The following ZDHHC14 variants were observed in gnomAD, a reference collection of about 807,000 sequenced individuals.
ZDHHC14 encodes palmitoyltransferase ZDHHC14.
In ZDHHC14, 16 loss-of-function variants were observed where a neutral mutation model predicts 47.7. That is an observed-to-expected ratio of 0.34 (90% CI 0.23 to 0.51). ZDHHC14 has a LOEUF of 0.51. ZDHHC14 is among the 20% of genes least tolerant of loss of function. The pLI, the probability that ZDHHC14 is intolerant of heterozygous loss-of-function variation, is 0.97. For synonymous variants in ZDHHC14, 293 were observed against 278.9 expected (o/e 1.05, Z -0.50); for missense variants, 515 against 662.5 (o/e 0.78, Z 2.44).
intron 1 of ZDHHC14, among the ~76,000 whole-genome samples, chr6:157,485,486 T>A (rs1779755930): frequency 6.6e-6 from 1 of 152,246 alleles, no homozygotes; most frequent in Non-Finnish European, 1.5e-5. Context: ...ATTTTTCCCA[T>A]GTGTTTATGT....
intron 2 of ZDHHC14, among the ~76,000 whole-genome samples, chr6:157,570,536 T>C (rs1783056690): frequency 6.6e-6 from 1 of 152,192 alleles, no homozygotes; most frequent in Non-Finnish European, 1.5e-5. Context: ...AATTAAAACT[T>C]TGCAAGGACA....
At chr6:157,631,066 CCA>C (rs1193135229) in intron 4 of ZDHHC14, 6 of 151,976 alleles carry the variant, frequency 3.9e-5, no homozygotes, top group African/African-American at 1.5e-4. Context: ...CCTTATACAC[CCA>C]CACTCACACT....
intron 1 of ZDHHC14, among the ~76,000 whole-genome samples, chr6:157,467,801 C>T (rs763420867): frequency 1.3e-5 from 2 of 152,022 alleles, no homozygotes; most frequent in Non-Finnish European, 2.9e-5. Context: ...CCGCCCATCC[C>T]GGCCTCCCAA....
At chr6:157,655,870 A>G (rs922684546) in intron 8 of ZDHHC14, among the ~76,000 whole-genome samples, 6 of 142,382 alleles carry the variant, frequency 4.2e-5, no homozygotes, top group African/African-American at 1.6e-4. Flanking sequence ...CAGGTTCTGC[A>G]GGGTGCTGAT....
At chr6:157,390,394 C>G (rs150490593) in intron 1 of ZDHHC14, among the ~76,000 whole-genome samples, 1 of 152,080 alleles carries the variant, frequency 6.6e-6, no homozygotes, top group Non-Finnish European at 1.5e-5. Flanking sequence ...ACATTTATCC[C>G]GCTTGGGGTT....
intron 3 of ZDHHC14, among the ~76,000 whole-genome samples, chr6:157,627,517 T>G (rs1268013034): frequency 6.6e-6 from 1 of 152,230 alleles, no homozygotes; most frequent in Admixed American, 6.5e-5. Context: ...TCAAATGCAT[T>G]ACAGACTTTG....
intron 1 of ZDHHC14, among the ~76,000 whole-genome samples, chr6:157,433,183 A>T (rs1778372858): frequency 6.6e-6 from 1 of 152,252 alleles, no homozygotes; most frequent in Non-Finnish European, 1.5e-5. Context: ...TGCTGGCACG[A>T]TCACTCTATT....
chr6:157,655,034 G>A (rs757819495), intron 8 of ZDHHC14, among the ~76,000 whole-genome samples: 5 of 152,118 alleles, frequency 3.3e-5, no homozygotes, highest in Non-Finnish European at 5.9e-5. Flanking sequence ...TGTGCCAGGC[G>A]TGTTTTCTTT....
Position 157,645,839 on chromosome 6 carries a change from C to T in ZDHHC14, c.855C>T (p.Asp285=), listed in dbSNP as rs61996312. Residue 285 remains aspartate (D), a splice_region_variant and synonymous_variant, in exon 6 of 9, where the codon GAC becomes GAT. Transcript: ENST00000359775. ...GCTCCAACCAGACAACAAATGAGGA[C>T]GTAAGTTCCTGACCACACGGGACAC... ...LISSNQTTNE[D]IKGSWSNKRG... 6.7e-4 allele frequency: 1,081 copies of T among 1,613,530 alleles called. 9 individuals carry two copies. The African/African-American group carries it at 0.013, about 20-fold the overall frequency.
At chr6:157,656,937 G>A (rs1291302164) in intron 8 of ZDHHC14, among the ~76,000 whole-genome samples, 1 of 152,084 alleles carries the variant, frequency 6.6e-6, no homozygotes, top group African/African-American at 2.4e-5. Flanking sequence ...AAGGACCTGC[G>A]GCCCTGGTCA....
At chr6:157,515,208 G>A (rs1780638251) in intron 1 of ZDHHC14, among the ~76,000 whole-genome samples, 1 of 152,110 alleles carries the variant, frequency 6.6e-6, no homozygotes, top group African/African-American at 2.4e-5. Context: ...CCACAGTTGA[G>A]CATATCGCTG....
intron 2 of ZDHHC14, among the ~76,000 whole-genome samples, chr6:157,555,718 T>C (rs1272673253): frequency 6.6e-6 from 1 of 152,184 alleles, no homozygotes; most frequent in Non-Finnish European, 1.5e-5. Flanking sequence ...CCCTGCCCTG[T>C]TGCCAGATAA....
intron 1 of ZDHHC14, among the ~76,000 whole-genome samples, chr6:157,519,265 A>G (rs1445643985): frequency 6.6e-6 from 1 of 152,258 alleles, no homozygotes; most frequent in Non-Finnish European, 1.5e-5. Context: ...AAGCAGAGAG[A>G]TAAGTGAAGC....
chr6:157,436,118 G>A (rs1225736547), intron 1 of ZDHHC14, among the ~76,000 whole-genome samples: 1 of 152,118 alleles, frequency 6.6e-6, no homozygotes. Flanking sequence ...TGGAGGCCAG[G>A]CTAGAGAGTC....
chr6:157,552,110 C>T (rs1469277393), intron 2 of ZDHHC14, among the ~76,000 whole-genome samples: 9 of 152,100 alleles, frequency 5.9e-5, no homozygotes, highest in Admixed American at 3.3e-4. Flanking sequence ...TGCAAAGCTC[C>T]GTGCACACCC....
chr6:157,425,903 C>G (rs865842224), intron 1 of ZDHHC14, among the ~76,000 whole-genome samples: 9 of 152,280 alleles, frequency 5.9e-5, no homozygotes, highest in African/African-American at 1.9e-4. Flanking sequence ...GCTGCTCTGC[C>G]CTCTGCCACC....
intron 2 of ZDHHC14, among the ~76,000 whole-genome samples, chr6:157,550,014 G>C (rs976484322): frequency 6.6e-6 from 1 of 152,212 alleles, no homozygotes; most frequent in African/African-American, 2.4e-5. Context: ...CTGTCTCCTG[G>C]TGGACGTCCT....
At chr6:157,416,833 G>A (rs1214617190) in intron 1 of ZDHHC14, among the ~76,000 whole-genome samples, 22 of 138,270 alleles carry the variant, frequency 1.6e-4, no homozygotes, top group African/African-American at 4.7e-4. Flanking sequence ...TGAGACAAAA[G>A]TCTCGAACTG....
chr6:157,590,797 G>A (rs976993400), intron 2 of ZDHHC14, among the ~76,000 whole-genome samples: 1 of 152,220 alleles, frequency 6.6e-6, no homozygotes, highest in Admixed American at 6.5e-5. Flanking sequence ...CTTGCACTGT[G>A]TGCCCAGAAA....
Sources: gnomAD v4.1 joint callset for allele counts (sites outside exome capture counted in the v4.1 genomes callset) on GRCh38, gnomAD v4.1.1 for gene constraint, MANE v1.5 for transcripts, NCBI Gene and HGNC (gene_info 2026-07-23, HGNC 2026-07-21) for gene names.